The following CDADC1 variants were observed in gnomAD, a reference collection of about 807,000 sequenced individuals.
CDADC1 encodes dCTP deaminase.
In CDADC1, 39 loss-of-function variants were observed where a neutral mutation model predicts 54.9. The ratio of observed to expected loss-of-function variants is 0.71; its 90% CI spans 0.55 to 0.93. The LOEUF (loss-of-function observed/expected upper bound fraction) is 0.93. Ranked by LOEUF, CDADC1 falls within the 40% of genes least tolerant of loss-of-function variation. CDADC1 has a pLI of 0.00. For missense variants in CDADC1, 518 were observed against 618.8 expected (o/e 0.84, Z 1.73); for synonymous variants, 186 against 204.0 (o/e 0.91, Z 0.75).
chr13:49,286,311 T>C, intron 9 of CDADC1, 29 bp downstream of exon 9: 1 of 1,525,700 alleles, frequency 6.6e-7, no homozygotes, highest in Non-Finnish European at 9.1e-7. Context: ...AGGTGAACTT[T>C]GTTGCTGAGG....
At chr13:49,281,288 A>C (rs1431251270) in intron 8 of CDADC1, among the ~76,000 whole-genome samples, 1 of 152,140 alleles carries the variant, frequency 6.6e-6, no homozygotes, top group Non-Finnish European at 1.5e-5. Context: ...GTGGCTGATA[A>C]AAGAAAAATC....
chr13:49,260,619 G>A (rs1952658987), intron 4 of CDADC1, among the ~76,000 whole-genome samples: 1 of 152,130 alleles, frequency 6.6e-6, no homozygotes, highest in African/African-American at 2.4e-5. Flanking sequence ...TCCACACCAG[G>A]CTATTCACTA....
At chr13:49,265,999 A>T (rs962958062) in intron 4 of CDADC1, 4 of 1,283,244 alleles carry the variant, frequency 3.1e-6, no homozygotes, top group Middle Eastern at 4.3e-4. Context: ...ACACTCTGAT[A>T]TGAGGTTTGA....
At chr13:49,275,996 T>C (rs1953123803) in intron 6 of CDADC1, among the ~76,000 whole-genome samples, 1 of 151,770 alleles carries the variant, frequency 6.6e-6, no homozygotes, top group Admixed American at 6.6e-5. Context: ...CTCAATCTCT[T>C]GACTTCGTGA....
chr13:49,292,365 T>C lies in CDADC1; in HGVS notation c.*608T>C. 5.1e-6 allele frequency: 5 copies of C among 985,432 alleles called. No homozygotes were observed. The highest frequency in any genetic ancestry group is 6.0e-6 in the Non-Finnish European group (5 of 831,826). The allele number at this position is 985,432 out of a possible 1,614,324, so 61.0% of individuals were successfully genotyped here. A position where few individuals can be genotyped will look rare whatever the true frequency, so the allele number is the denominator to read the frequency against. On this transcript the variant is annotated 3_prime_UTR_variant, in exon 10 of 10. Transcript: ENST00000251108. Reference sequence around the variant, plus strand: ...CTGTGGTCCTGTTTATCACAGACTTTGGGTAGCAATAGGAAGAGAGTGTTA... The same window carrying C: ...CTGTGGTCCTGTTTATCACAGACTTCGGGTAGCAATAGGAAGAGAGTGTTA...
chr13:49,256,036 A>T, intron 3 of CDADC1, 123 bp downstream of exon 3: 1 of 1,352,854 alleles, frequency 7.4e-7, no homozygotes, highest in African/African-American at 1.5e-5. Flanking sequence ...TCTTCTAAAA[A>T]TGGTCTGTAT....
intron 8 of CDADC1, among the ~76,000 whole-genome samples, chr13:49,282,236 G>GTTTTTTTTTTTTTTTTT (rs759792512): frequency 1.6e-4 from 15 of 94,140 alleles, no homozygotes; most frequent in East Asian, 3.5e-4. Context: ...GTTTTTGTGG[G>GTTTTTTTTTTTTTTTTT]TTTTTTTTTT....
At chr13:49,252,132 A>G (rs1011705331) in intron 2 of CDADC1, among the ~76,000 whole-genome samples, 6 of 152,232 alleles carry the variant, frequency 3.9e-5, no homozygotes, top group African/African-American at 1.4e-4. Context: ...GCTATATGAA[A>G]GGTTATCACT....
At chr13:49,266,012 C>A in intron 4 of CDADC1, 2 of 1,226,612 alleles carry the variant, frequency 1.6e-6, no homozygotes, top group Non-Finnish European at 2.2e-6. Flanking sequence ...AGGTTTGAGG[C>A]CTTCAAAATT....
rs1215407766 is a variant in CDADC1, at chr13:49,280,491, T to C, written c.1221-18T>C. On this transcript the variant is annotated intron_variant, in intron 7 of 9. Coordinates refer to ENST00000251108, the MANE Select transcript of CDADC1 (RefSeq NM_030911.4). Reference sequence around the variant, plus strand: ...TTTCAGAAACGACCTTTCTGATATTTTATAATTTTTTTTGTAGGTGTCAAG... The same window carrying C: ...TTTCAGAAACGACCTTTCTGATATTCTATAATTTTTTTTGTAGGTGTCAAG... The C allele has an allele frequency of 7.5e-7, 1 of 1,326,590 alleles. No homozygotes were observed. Among genetic ancestry groups the C allele is most frequent in the Admixed American group, 2.8e-5 (1 of 36,044 alleles). The allele number at this position is 1,326,590 out of a possible 1,614,324, so 82.2% of individuals were successfully genotyped here.
At chr13:49,258,914 T>C (rs1235271028) in intron 3 of CDADC1, among the ~76,000 whole-genome samples, 1 of 152,216 alleles carries the variant, frequency 6.6e-6, no homozygotes, top group Non-Finnish European at 1.5e-5. Context: ...TGTGGGTCTT[T>C]CAGAAAGTCA....
At chr13:49,277,973 C>T (rs980818520) in intron 6 of CDADC1, among the ~76,000 whole-genome samples, 10 of 152,118 alleles carry the variant, frequency 6.6e-5, no homozygotes, top group Admixed American at 2.0e-4. Context: ...ACAGAATACT[C>T]GAACATGTTG....
Position 49,263,728 on chromosome 13 carries a change from A to G in CDADC1, c.431-3762A>G, listed in dbSNP as rs76281356. Among the ~76,000 whole-genome samples, 1,137 of 152,206 alleles carry G rather than the reference A, an allele frequency of 7.5e-3. 12 individuals are homozygous for G. Among genetic ancestry groups the G allele is most frequent in the African/African-American group, 0.026 (1,063 of 41,450 alleles). Reference sequence around the variant, plus strand: ...AAAACAGAAGCAAATTTGAGCATCCAGTTGTCTTCTATTAAGCCAAATTTT... The same window carrying G: ...AAAACAGAAGCAAATTTGAGCATCCGGTTGTCTTCTATTAAGCCAAATTTT... On this transcript the variant is annotated intron_variant, in intron 4 of 9. Coordinates refer to ENST00000251108, the MANE Select transcript of CDADC1 (RefSeq NM_030911.4).
intron 3 of CDADC1, among the ~76,000 whole-genome samples, chr13:49,256,646 A>G (rs1463586163): frequency 6.6e-6 from 1 of 152,206 alleles, no homozygotes; most frequent in Non-Finnish European, 1.5e-5. Context: ...TCTTTTTAAT[A>G]TTGTATAGTA....
intron 4 of CDADC1, among the ~76,000 whole-genome samples, chr13:49,262,397 C>T (rs943006279): frequency 7.9e-5 from 12 of 152,186 alleles, no homozygotes; most frequent in East Asian, 1.9e-4. Context: ...GAGCTGTGAT[C>T]GTGCCTCACC....
In CDADC1 at chr13:49,292,497, T is replaced by A. The variant is rs1197582067; in HGVS notation, c.*740T>A. ...AGAGAAGAAATATTTGAGTCTGGAA[T>A]ATTGAAACTAGCTTTCCTAGAATTC... On this transcript the variant is annotated 3_prime_UTR_variant, in exon 10 of 10. Coordinates refer to ENST00000251108, the MANE Select transcript of CDADC1 (RefSeq NM_030911.4). 13 of 1,035,590 alleles carry A rather than the reference T, an allele frequency of 1.3e-5. No homozygotes were observed. Among genetic ancestry groups the A allele is most frequent in the Admixed American group, 5.3e-5 (1 of 18,914 alleles). The allele number at this position is 1,035,590 out of a possible 1,614,324, so 64.2% of individuals were successfully genotyped here.
chr13:49,284,357 A>G (rs965832525), intron 8 of CDADC1, among the ~76,000 whole-genome samples: 1 of 152,196 alleles, frequency 6.6e-6, no homozygotes, highest in Non-Finnish European at 1.5e-5. Flanking sequence ...TCTGCCACTA[A>G]AAGTTCTTTA....
At chr13:49,250,428 T>C (rs1952399359) in intron 2 of CDADC1, among the ~76,000 whole-genome samples, 1 of 152,154 alleles carries the variant, frequency 6.6e-6, no homozygotes, top group African/African-American at 2.4e-5. Context: ...AGCAGAGATG[T>C]TGGCAAGACT....
intron 3 of CDADC1, among the ~76,000 whole-genome samples, chr13:49,257,122 G>A (rs1415978624): frequency 6.6e-6 from 1 of 152,128 alleles, no homozygotes; most frequent in Admixed American, 6.6e-5. Flanking sequence ...TTGTTTTATT[G>A]AGTTTGGGAT....
Sources: allele counts gnomAD v4.1 joint callset (sites outside exome capture counted in the v4.1 genomes callset), GRCh38; gene constraint gnomAD v4.1.1; transcripts MANE v1.5; gene names NCBI Gene and HGNC (gene_info 2026-07-23, HGNC 2026-07-21).